Variants in CD3E observed in about 807,000 individuals in gnomAD.
The protein encoded by CD3E is CD3 epsilon subunit of T-cell receptor complex, also known as T-cell surface glycoprotein CD3 epsilon chain.
Under a neutral mutation model 34.7 loss-of-function variants are expected in CD3E, and 16 were observed. The ratio of observed to expected loss-of-function variants is 0.46; its 90% CI spans 0.31 to 0.70. The LOEUF (loss-of-function observed/expected upper bound fraction) is 0.70. Among genes scored for constraint, CD3E ranks in the 30% least tolerant of loss-of-function variants. The pLI is 0.05. For missense variants in CD3E, 223 were observed against 253.9 expected (o/e 0.88, Z 0.83); for synonymous variants, 70 against 90.8 (o/e 0.77, Z 1.30).
At chr11:118,313,150 G>A (rs929909783) in intron 6 of CD3E, 1 of 470,912 alleles carries the variant, frequency 2.1e-6, no homozygotes, top group African/African-American at 2.0e-5. Flanking sequence ...TCACACCCAG[G>A]TTCATAGCAC....
At chr11:118,306,517 A>AAATAAATC (rs1555116995) in intron 2 of CD3E, among the ~76,000 whole-genome samples, 7 of 85,922 alleles carry the variant, frequency 8.1e-5, no homozygotes, top group Middle Eastern at 5.3e-3. Context: ...ATAAATAAAT[A>AAATAAATC]AATAAATAAA....
chr11:118,304,940 C>G lies in CD3E; in HGVS notation c.-13C>G. 6.2e-7 allele frequency: 1 copy of G among 1,613,258 alleles called. No homozygotes were observed. Among genetic ancestry groups the G allele is most frequent in the Non-Finnish European group, 8.5e-7 (1 of 1,179,234 alleles). ...CCGCCATCTTAGTAAAGTAACAGTC[C>G]CATGAAACAAAGATGCAGTCGGGCA... On this transcript the variant is annotated 5_prime_UTR_variant, in exon 2 of 9. Coordinates refer to ENST00000361763, the MANE Select transcript of CD3E (RefSeq NM_000733.4).
chr11:118,308,388 A>G (rs1263019535), intron 3 of CD3E, 39 bp from the exon 4 acceptor site: 7 of 1,555,464 alleles, frequency 4.5e-6, no homozygotes, highest in Non-Finnish European at 6.2e-6. Flanking sequence ...CATTGCCGAT[A>G]GAAACATTAC....
intron 3 of CD3E, 42 bp from the exon 4 acceptor site, chr11:118,308,385 G>A (rs201481472): frequency 6.9e-5 from 106 of 1,542,716 alleles, no homozygotes; most frequent in Middle Eastern, 1.7e-4. Flanking sequence ...CTTCATTGCC[G>A]ATAGAAACAT....
chr11:118,308,813 C>CTGG (rs1948121031), intron 4 of CD3E, among the ~76,000 whole-genome samples: 1 of 152,202 alleles, frequency 6.6e-6, no homozygotes, highest in African/African-American at 2.4e-5. Context: ...CATATGAACA[C>CTGG]ATTGCTAATT....
chr11:118,313,925 A>C, intron 7 of CD3E, 51 bp downstream of exon 7: 1 of 1,597,326 alleles, frequency 6.3e-7, no homozygotes, highest in Non-Finnish European at 8.5e-7. Flanking sequence ...GGGGACGACC[A>C]GCCTGGGCCA....
chr11:118,314,830 C>T (rs943705272), intron 8 of CD3E, among the ~76,000 whole-genome samples: 7 of 152,008 alleles, frequency 4.6e-5, no homozygotes, highest in African/African-American at 1.7e-4. Flanking sequence ...CACCAGCATG[C>T]ACCAGTATAG....
At chr11:118,311,502 G>A (rs1314267377) in intron 4 of CD3E, among the ~76,000 whole-genome samples, 1 of 152,136 alleles carries the variant, frequency 6.6e-6, no homozygotes, top group Admixed American at 6.5e-5. Context: ...ACTTTTTATT[G>A]GAAGAAGCAT....
intron 3 of CD3E, among the ~76,000 whole-genome samples, 197 bp downstream of exon 3, chr11:118,307,505 G>A (rs1948113792): frequency 6.6e-6 from 1 of 152,174 alleles, no homozygotes; most frequent in Admixed American, 6.5e-5. Flanking sequence ...ACAGAGGCAG[G>A]AAATAATGAG....
chr11:118,315,419 C>T, intron 8 of CD3E, 67 bp from the exon 9 acceptor site: 1 of 1,352,244 alleles, frequency 7.4e-7, no homozygotes, highest in South Asian at 1.2e-5. Context: ...GCTAGCTCTT[C>T]AGTGTCCTTT....
At chr11:118,313,055 A>G (rs1948145229) in intron 6 of CD3E, 189 bp downstream of exon 6, 1 of 701,402 alleles carries the variant, frequency 1.4e-6, no homozygotes, top group South Asian at 1.5e-5. Flanking sequence ...TTAAACACCA[A>G]TATGAGGCTT....
chr11:118,313,920 C>G (rs2231448), intron 7 of CD3E, 46 bp downstream of exon 7: 1 of 1,603,502 alleles, frequency 6.2e-7, no homozygotes, highest in Non-Finnish European at 8.5e-7. Context: ...CCAAGGGGGA[C>G]GACCAGCCTG....
intron 2 of CD3E, among the ~76,000 whole-genome samples, chr11:118,305,494 G>A (rs530338113): frequency 6.6e-6 from 1 of 152,072 alleles, no homozygotes; most frequent in African/African-American, 2.4e-5. Context: ...AAGCAAGATG[G>A]ATTATGAATT....
At chr11:118,313,581 G>A in intron 6 of CD3E, 126 bp from the exon 7 acceptor site, 2 of 856,906 alleles carry the variant, frequency 2.3e-6, no homozygotes, top group South Asian at 1.4e-5. Flanking sequence ...TGAAGGGGGG[G>A]CTCTGACCGT....
intron 8 of CD3E, among the ~76,000 whole-genome samples, chr11:118,314,896 T>TAAAATA (rs1948157055): frequency 6.6e-6 from 1 of 151,702 alleles, no homozygotes; most frequent in Non-Finnish European, 1.5e-5. Context: ...ATTGAAATAT[T>TAAAATA]AAAATACTCA....
rs1358946948 is a variant in CD3E, at chr11:118,315,598, G to A, written c.*56G>A. The A allele has an allele frequency of 6.4e-6, 9 of 1,406,354 alleles. No homozygotes were observed. The highest frequency in any genetic ancestry group is 5.7e-5 in the African/African-American group (4 of 70,072). The allele number at this position is 1,406,354 out of a possible 1,614,324, so 87.1% of individuals were successfully genotyped here. On this transcript the variant is annotated 3_prime_UTR_variant, in exon 9 of 9. Transcript: ENST00000361763. ...CAGGTCTCCTCTCCAGTCCCCCTGCGACTCCCTGTTTCCTGGGCTAGTCTT... is the reference window on the plus strand; with the variant it reads ...CAGGTCTCCTCTCCAGTCCCCCTGCAACTCCCTGTTTCCTGGGCTAGTCTT...
rs1253603202 is a variant in CD3E, at chr11:118,304,911, G to A, written c.-42G>A. On this transcript the variant is annotated 5_prime_UTR_variant, in exon 2 of 9. Coordinates refer to ENST00000361763, the MANE Select transcript of CD3E (RefSeq NM_000733.4). ...TTTTCCAGAAGTAGTAAGTCTGCTG[G>A]CCTCCGCCATCTTAGTAAAGTAACA... The A allele has an allele frequency of 6.3e-7, 1 of 1,595,666 alleles. No individual in the cohort carries two copies. The highest frequency in any genetic ancestry group is 1.1e-5 in the South Asian group (1 of 90,712).
At chr11:118,305,133 G>C in intron 2 of CD3E, 132 bp downstream of exon 2, 1 of 909,346 alleles carries the variant, frequency 1.1e-6, no homozygotes, top group South Asian at 1.3e-5. Context: ...GCTATGTTAG[G>C]GTGAGGGATT....
chr11:118,307,673 T>A (rs1948114990), intron 3 of CD3E, among the ~76,000 whole-genome samples: 1 of 152,158 alleles, frequency 6.6e-6, no homozygotes, highest in Admixed American at 6.5e-5. Flanking sequence ...GGGGCAACAT[T>A]TGGATGTGTG....
Sources: gnomAD v4.1 joint callset for allele counts (sites outside exome capture counted in the v4.1 genomes callset) on GRCh38, gnomAD v4.1.1 for gene constraint, MANE v1.5 for transcripts, NCBI Gene and HGNC (gene_info 2026-07-23, HGNC 2026-07-21) for gene names.